The following SPPL3 variants were observed in gnomAD, a reference collection of about 807,000 sequenced individuals.
The protein encoded by SPPL3 is signal peptide peptidase-like 3.
In SPPL3, 5 loss-of-function variants were observed where a neutral mutation model predicts 42.4. The observed-to-expected ratio is 0.12, with a 90% confidence interval of 0.06 to 0.25. SPPL3 has a LOEUF of 0.25. Ranked by LOEUF, SPPL3 falls within the 10% of genes least tolerant of loss-of-function variation. The pLI, the probability that SPPL3 is intolerant of heterozygous loss-of-function variation, is 1.00. For synonymous variants in SPPL3, 195 were observed against 181.8 expected, an observed-to-expected ratio of 1.07 and a Z score of -0.58; for missense variants, 235 against 489.0, an observed-to-expected ratio of 0.48 and a Z score of 4.90.
At chr12:120,855,628 A>G (rs1471251803) in intron 1 of SPPL3, among the ~76,000 whole-genome samples, 3 of 151,930 alleles carry the variant, frequency 2.0e-5, no homozygotes, top group African/African-American at 7.3e-5. Flanking sequence ...TGGTGGTTAC[A>G]GTGAGCTGAG....
intron 2 of SPPL3, among the ~76,000 whole-genome samples, chr12:120,803,328 A>G (rs1870384326): frequency 1.3e-5 from 2 of 152,166 alleles, no homozygotes; most frequent in South Asian, 2.1e-4. Flanking sequence ...AAGTTAGTAC[A>G]TGCTCTGAAA....
At position 120,815,080 on chromosome 12, in the gene SPPL3, G is replaced by A. The variant is rs531764669; in HGVS notation, c.24-4194C>T. Among the ~76,000 whole-genome samples the A allele has an allele frequency of 2.6e-5, 4 of 152,256 alleles. No homozygotes were observed. The East Asian group carries it at 7.7e-4, about 29-fold the overall frequency. ...TGTTAACAAGTAATTCTGTAATAAT[G>A]GGCCTTGTAAATTATACCTGCATTG... is the stretch of plus-strand genomic sequence containing the variant. On this transcript the variant is annotated intron_variant, in intron 1 of 10. Coordinates refer to ENST00000353487, the MANE Select transcript of SPPL3 (RefSeq NM_139015.5).
chr12:120,903,724 CAACCCGCGCCCCCCCCCCACGACACG>C, intron 1 of SPPL3, 95 bp downstream of exon 1: 2 of 674,116 alleles, frequency 3.0e-6, no homozygotes, highest in Non-Finnish European at 2.3e-6. Context: ...GCGTGCACCC[CAACCCGCGCCCCCCCCCCACGACACG>C]CACCTGTTCT....
At chr12:120,772,486 TC>T (rs35466236) in intron 6 of SPPL3, among the ~76,000 whole-genome samples, 114,235 of 152,078 alleles carry the variant, frequency 0.75, 43,905 homozygotes, top group African/African-American at 0.9. Context: ...TTTCTGTGGA[TC>T]CCTAGCACTT....
chr12:120,851,852 C>T (rs796917482), intron 1 of SPPL3, among the ~76,000 whole-genome samples: 6 of 152,288 alleles, frequency 3.9e-5, no homozygotes, highest in African/African-American at 1.4e-4. Flanking sequence ...GATCTGCCCG[C>T]CTCAGCCTCC....
At chr12:120,779,174 A>G (rs914311751) in intron 6 of SPPL3, among the ~76,000 whole-genome samples, 1 of 152,232 alleles carries the variant, frequency 6.6e-6, no homozygotes, top group Non-Finnish European at 1.5e-5. Context: ...TATATAGCCT[A>G]TAAGATCAGT....
intron 1 of SPPL3, among the ~76,000 whole-genome samples, chr12:120,842,855 GA>G (rs1480110125): frequency 3.9e-5 from 6 of 151,992 alleles, no homozygotes; most frequent in African/African-American, 1.4e-4. Context: ...ACACAGTATT[GA>G]AAACAGAGGC....
At chr12:120,799,949 A>C (rs1870232376) in intron 2 of SPPL3, among the ~76,000 whole-genome samples, 2 of 152,198 alleles carry the variant, frequency 1.3e-5, no homozygotes, top group East Asian at 3.9e-4. Context: ...CTCCAAAGCT[A>C]TCCAGGACTA....
At chr12:120,903,498 C>A in intron 1 of SPPL3, 1 of 320,016 alleles carries the variant, frequency 3.1e-6, no homozygotes. Flanking sequence ...GAAACACCCC[C>A]ACGAGTCAGT....
intron 6 of SPPL3, among the ~76,000 whole-genome samples, chr12:120,775,454 G>A (rs1453445826): frequency 6.6e-6 from 1 of 152,170 alleles, no homozygotes; most frequent in Non-Finnish European, 1.5e-5. Context: ...GCCCGGTTGA[G>A]TGTAGCATTT....
At chr12:120,805,829 T>C (rs1218207854) in intron 2 of SPPL3, among the ~76,000 whole-genome samples, 2 of 152,084 alleles carry the variant, frequency 1.3e-5, no homozygotes, top group East Asian at 3.8e-4. Context: ...CACTGAAAAT[T>C]ACAAAACACT....
chr12:120,786,548 T>A (rs1869728025), intron 3 of SPPL3, among the ~76,000 whole-genome samples: 1 of 152,212 alleles, frequency 6.6e-6, no homozygotes, highest in African/African-American at 2.4e-5. Flanking sequence ...ATATAAGAGA[T>A]GCATTTGTTT....
chr12:120,780,717 G>A (rs1207033445), intron 6 of SPPL3, among the ~76,000 whole-genome samples: 3 of 149,316 alleles, frequency 2.0e-5, no homozygotes, highest in African/African-American at 7.4e-5. Context: ...GTGAAACCCC[G>A]TCTCTACTAA....
intron 1 of SPPL3, among the ~76,000 whole-genome samples, chr12:120,866,360 G>A (rs1456597070): frequency 6.6e-6 from 1 of 151,090 alleles, no homozygotes; most frequent in Non-Finnish European, 1.5e-5. Flanking sequence ...AAAGAGCCTG[G>A]GAATCCGTGT....
At chr12:120,850,040 T>C (rs2137032943) in intron 1 of SPPL3, among the ~76,000 whole-genome samples, 1 of 152,268 alleles carries the variant, frequency 6.6e-6, no homozygotes, top group Middle Eastern at 3.4e-3. Flanking sequence ...AGTTTGCACC[T>C]GAGAGGCTCT....
chr12:120,885,113 C>T (rs1458754946), intron 1 of SPPL3, among the ~76,000 whole-genome samples: 1 of 152,110 alleles, frequency 6.6e-6, no homozygotes, highest in Admixed American at 6.6e-5. Flanking sequence ...CAAAGCATTT[C>T]AAACTCAACT....
rs1053203346 is a variant in SPPL3, at chr12:120,840,621, C to A, written c.24-29735G>T. 2.6e-5 allele frequency among the ~76,000 whole-genome samples: 4 copies of A among 152,178 alleles called. No homozygotes were observed. The South Asian group carries it at 8.3e-4, about 32-fold the overall frequency. On this transcript the variant is annotated intron_variant, in intron 1 of 10. Transcript: ENST00000353487. ...CCGAGGCAGGTAGATCGATTGAGCT[C>A]AGGAGTTCAAGACCAGCCTGGGCAA...
At chr12:120,897,143 A>ACAAT (rs1171799786) in intron 1 of SPPL3, among the ~76,000 whole-genome samples, 2 of 152,216 alleles carry the variant, frequency 1.3e-5, no homozygotes, top group Non-Finnish European at 2.9e-5. Flanking sequence ...ATGACACATC[A>ACAAT]CAATCCAATG....
At position 120,762,773 on chromosome 12, in the gene SPPL3, TA is replaced by T. The variant is rs1868709360; in HGVS notation, c.*2225del. ...CATGCCCAGCTAATTTTTGTGTTTT[TA>T]GTAGAGACGGGGTTTCACCATGTTG... On this transcript the variant is annotated 3_prime_UTR_variant, in exon 11 of 11. Transcript: ENST00000353487. 1 of 152,128 alleles carries T rather than the reference TA, an allele frequency of 6.6e-6. No individual in the cohort carries two copies. Among genetic ancestry groups the T allele is most frequent in the African/African-American group, 2.4e-5 (1 of 41,390 alleles). 9.4% of individuals were successfully genotyped at this position (152,128 alleles called of 1,614,324 possible).
Sources: gnomAD v4.1 joint callset for allele counts (sites outside exome capture counted in the v4.1 genomes callset) on GRCh38, gnomAD v4.1.1 for gene constraint, MANE v1.5 for transcripts, NCBI Gene and HGNC (gene_info 2026-07-23, HGNC 2026-07-21) for gene names.